The following RBL1 variants were observed in gnomAD, a reference collection of about 807,000 sequenced individuals.
The protein encoded by RBL1 is RB transcriptional corepressor like 1, also known as retinoblastoma-like protein 1.
Under a neutral mutation model 123.0 loss-of-function variants are expected in RBL1, and 82 were observed. That is an observed-to-expected ratio of 0.67 (90% CI 0.56 to 0.80). The LOEUF is 0.80. RBL1 is among the 30% of genes least tolerant of loss of function. RBL1 has a pLI of 0.00. For synonymous variants in RBL1, 405 were observed against 441.3 expected (o/e 0.92, Z 1.03); for missense variants, 1,171 against 1,299.6 (o/e 0.90, Z 1.52).
chr20:37,049,318 C>A, intron 11 of RBL1: 1 of 650,232 alleles, frequency 1.5e-6, no homozygotes, highest in Non-Finnish European at 2.8e-6. Flanking sequence ...CCCTCGGATA[C>A]GACAGAAAAT....
At chr20:37,067,782 A>AAAAAAAAAAAAAAAAC (rs2065203909) in intron 3 of RBL1, among the ~76,000 whole-genome samples, 1 of 143,658 alleles carries the variant, frequency 7.0e-6, no homozygotes, top group African/African-American at 2.6e-5. Flanking sequence ...AAAAAAAAAA[A>AAAAAAAAAAAAAAAAC]AAAAAAAAAC....
chr20:37,057,709 C>T (rs2146288535), intron 9 of RBL1, among the ~76,000 whole-genome samples: 1 of 152,246 alleles, frequency 6.6e-6, no homozygotes, highest in African/African-American at 2.4e-5. Flanking sequence ...AGGTTTGACA[C>T]CGGGCATGGT....
At chr20:37,040,088 T>C in intron 14 of RBL1, 65 bp downstream of exon 14, 1 of 1,592,868 alleles carries the variant, frequency 6.3e-7, no homozygotes, top group Non-Finnish European at 8.5e-7. Flanking sequence ...GACTTAAAAT[T>C]TTCCCTGAAA....
At chr20:37,029,112 C>T (rs1261637033) in intron 16 of RBL1, among the ~76,000 whole-genome samples, 1 of 152,126 alleles carries the variant, frequency 6.6e-6, no homozygotes, top group Non-Finnish European at 1.5e-5. Flanking sequence ...GCCACATAAT[C>T]ATTTCAAGTG....
At chr20:37,009,048 G>A (rs6130311) in intron 19 of RBL1, among the ~76,000 whole-genome samples, 21,087 of 149,370 alleles carry the variant, frequency 0.14, 2,180 homozygotes, top group East Asian at 0.48. Flanking sequence ...TTTTTGAGAC[G>A]GAGTCTTGCT....
intron 2 of RBL1, among the ~76,000 whole-genome samples, chr20:37,079,699 C>T (rs929717181): frequency 3.3e-5 from 5 of 151,964 alleles, no homozygotes; most frequent in East Asian, 1.9e-4. Context: ...CCAGGCTGGT[C>T]CTGAACTCCT....
chr20:37,027,505 T>C (rs865895679), intron 16 of RBL1, among the ~76,000 whole-genome samples: 4 of 152,252 alleles, frequency 2.6e-5, no homozygotes, highest in Middle Eastern at 3.4e-3. Flanking sequence ...ACCTGGGCAA[T>C]AGAATGGGCT....
chr20:37,075,566 C>T (rs6130474), intron 2 of RBL1, among the ~76,000 whole-genome samples: 21,012 of 152,006 alleles, frequency 0.14, 2,163 homozygotes, highest in East Asian at 0.47. Flanking sequence ...AGTGATTCTC[C>T]TCCCTCAGCC....
Position 36,997,523 on chromosome 20 carries a change from ATGATAT to A in RBL1, c.*1230_*1235del, listed in dbSNP as rs2063901320. On this transcript the variant is annotated 3_prime_UTR_variant, in exon 22 of 22. Coordinates refer to ENST00000373664, the MANE Select transcript of RBL1 (RefSeq NM_002895.5). ...ATATATTAGAATTATGAGGCATGAGATGATATTTATGTGATTTTTAAAAGGTTTAAA... is the reference window on the plus strand; with the variant it reads ...ATATATTAGAATTATGAGGCATGAGATTATGTGATTTTTAAAAGGTTTAAA... 6.6e-6 allele frequency: 1 copy of A among 152,160 alleles called. No individual in the cohort carries two copies. Among genetic ancestry groups the A allele is most frequent in the African/African-American group, 2.4e-5 (1 of 41,446 alleles). The allele number at this position is 152,160 out of a possible 1,614,324, so 9.4% of individuals were successfully genotyped here.
At chr20:37,088,035 C>T (rs1164705470) in intron 2 of RBL1, among the ~76,000 whole-genome samples, 1 of 152,036 alleles carries the variant, frequency 6.6e-6, no homozygotes, top group African/African-American at 2.4e-5. Context: ...GAGGCTGAGG[C>T]GGGTGGATCA....
chr20:37,046,909 A>C, intron 12 of RBL1, 144 bp downstream of exon 12: 1 of 1,249,780 alleles, frequency 8.0e-7, no homozygotes, highest in Admixed American at 4.2e-5. Context: ...CACCATGCCT[A>C]GCCAGGAATA....
At chr20:37,081,501 A>G (rs2065447885) in intron 2 of RBL1, among the ~76,000 whole-genome samples, 2 of 152,036 alleles carry the variant, frequency 1.3e-5, no homozygotes, top group Non-Finnish European at 2.9e-5. Context: ...ACAAAACAAA[A>G]CAAAAACTTA....
intron 14 of RBL1, among the ~76,000 whole-genome samples, chr20:37,037,257 T>G (rs2064631935): frequency 6.6e-6 from 1 of 152,184 alleles, no homozygotes; most frequent in Non-Finnish European, 1.5e-5. Flanking sequence ...TAGCTGCAAA[T>G]CCATTGAAAT....
At chr20:37,082,468 C>G (rs960272977) in intron 2 of RBL1, among the ~76,000 whole-genome samples, 1 of 151,344 alleles carries the variant, frequency 6.6e-6, no homozygotes, top group Admixed American at 6.6e-5. Context: ...ACCACCAACA[C>G]CATACACATA....
intron 7 of RBL1, among the ~76,000 whole-genome samples, chr20:37,063,535 G>A (rs1307539355): frequency 6.6e-6 from 1 of 151,968 alleles, no homozygotes; most frequent in Non-Finnish European, 1.5e-5. Flanking sequence ...TAATTGAGAT[G>A]GAATCTCGCT....
At chr20:37,042,553 G>A (rs767507925) in intron 13 of RBL1, among the ~76,000 whole-genome samples, 1 of 152,040 alleles carries the variant, frequency 6.6e-6, no homozygotes, top group Non-Finnish European at 1.5e-5. Context: ...GAAAACATAT[G>A]TACATATGTT....
intron 15 of RBL1, among the ~76,000 whole-genome samples, chr20:37,033,886 G>C (rs1344185823): frequency 6.6e-6 from 1 of 151,926 alleles, no homozygotes; most frequent in Non-Finnish European, 1.5e-5. Flanking sequence ...CAAAGTGCTG[G>C]GATTATAGGT....
At chr20:37,043,662 C>T (rs1600519159) in intron 13 of RBL1, among the ~76,000 whole-genome samples, 1 of 151,860 alleles carries the variant, frequency 6.6e-6, no homozygotes, top group South Asian at 2.1e-4. Context: ...AGAGTGAAAC[C>T]CCGCCTTAAA....
intron 20 of RBL1, among the ~76,000 whole-genome samples, chr20:37,005,034 C>CT (rs1387311026): frequency 6.6e-6 from 1 of 151,916 alleles, no homozygotes; most frequent in Non-Finnish European, 1.5e-5. Context: ...GAGTGAGACT[C>CT]TGTCTCAAAA....
Sources: allele counts gnomAD v4.1 joint callset (sites outside exome capture counted in the v4.1 genomes callset), GRCh38; gene constraint gnomAD v4.1.1; transcripts MANE v1.5; gene names NCBI Gene and HGNC (gene_info 2026-07-23, HGNC 2026-07-21).